The following AGBL4 variants were observed in gnomAD, a reference collection of about 807,000 sequenced individuals.
The protein encoded by AGBL4 is cytosolic carboxypeptidase 6.
AGBL4 carries 58 observed loss-of-function variants against 66.4 expected under a neutral mutation model. That is an observed-to-expected ratio of 0.87 (90% CI 0.71 to 1.09). The LOEUF (loss-of-function observed/expected upper bound fraction) is 1.09. Ranked by LOEUF, AGBL4 falls within the 50% of genes least tolerant of loss-of-function variation. The pLI is 0.00. For synonymous variants in AGBL4, 234 were observed against 222.9 expected (o/e 1.05, Z -0.44); for missense variants, 579 against 631.0 (o/e 0.92, Z 0.88).
intron 2 of AGBL4, among the ~76,000 whole-genome samples, chr1:49,831,622 C>T (rs749848239): frequency 4.6e-5 from 7 of 152,104 alleles, no homozygotes; most frequent in Non-Finnish European, 1.0e-4. Context: ...TGCCTAATTG[C>T]CCTGGCCAGA....
At chr1:48,545,551 A>G (rs1035158758) in intron 11 of AGBL4, among the ~76,000 whole-genome samples, 1 of 152,204 alleles carries the variant, frequency 6.6e-6, no homozygotes, top group African/African-American at 2.4e-5. Context: ...ATTAATAGAT[A>G]AAAAATTGGG....
intron 6 of AGBL4, among the ~76,000 whole-genome samples, chr1:48,839,045 C>T (rs1646742991): frequency 6.6e-6 from 1 of 151,910 alleles, no homozygotes; most frequent in Non-Finnish European, 1.5e-5. Context: ...GGTGATGACA[C>T]AGAGAAAGGG....
intron 3 of AGBL4, among the ~76,000 whole-genome samples, chr1:49,375,512 T>C (rs185591748): frequency 6.6e-6 from 1 of 152,108 alleles, no homozygotes; most frequent in African/African-American, 2.4e-5. Context: ...CTTATCTGCA[T>C]GTAGACATTC....
intron 6 of AGBL4, among the ~76,000 whole-genome samples, chr1:48,685,493 C>G (rs147230499): frequency 1.3e-5 from 2 of 152,164 alleles, no homozygotes. Flanking sequence ...GAACAAGATG[C>G]CTTGGGCTCC....
At chr1:49,228,973 T>C (rs1650106954) in intron 4 of AGBL4, among the ~76,000 whole-genome samples, 2 of 152,144 alleles carry the variant, frequency 1.3e-5, no homozygotes, top group Admixed American at 1.3e-4. Context: ...TCTTCTCCAT[T>C]CTCAGCATGC....
chr1:48,887,601 A>G (rs1191695933), intron 5 of AGBL4, among the ~76,000 whole-genome samples: 1 of 152,136 alleles, frequency 6.6e-6, no homozygotes, highest in Non-Finnish European at 1.5e-5. Flanking sequence ...CCCTCTGAAG[A>G]TCACACAGCT....
intron 3 of AGBL4, among the ~76,000 whole-genome samples, chr1:49,473,224 C>T (rs532559566): frequency 6.6e-6 from 1 of 152,194 alleles, no homozygotes; most frequent in East Asian, 1.9e-4. Context: ...CTCCAAACTG[C>T]TTCCCACAGG....
intron 3 of AGBL4, among the ~76,000 whole-genome samples, chr1:49,335,677 G>A (rs12036970): frequency 0.49 from 74,968 of 151,734 alleles, 19,894 homozygotes; most frequent in Non-Finnish European, 0.6. Flanking sequence ...CACCACACCC[G>A]GCTAATTTTT....
At chr1:49,431,573 A>G (rs1288007546) in intron 3 of AGBL4, among the ~76,000 whole-genome samples, 1 of 152,186 alleles carries the variant, frequency 6.6e-6, no homozygotes, top group Non-Finnish European at 1.5e-5. Context: ...GTCCCGGTTT[A>G]TCAAGTGATT....
At chr1:49,154,360 C>A (rs1316787033) in intron 4 of AGBL4, among the ~76,000 whole-genome samples, 1 of 151,424 alleles carries the variant, frequency 6.6e-6, no homozygotes, top group Admixed American at 6.6e-5. Flanking sequence ...CAGCACAGTA[C>A]TCAGGACATA....
At chr1:48,613,720 ACAGCTGAGCACAGC>A (rs761026775) in intron 9 of AGBL4, among the ~76,000 whole-genome samples, 33 of 152,348 alleles carry the variant, frequency 2.2e-4, no homozygotes, top group Admixed American at 7.2e-4. Flanking sequence ...AGGGATACAT[ACAGCTGAGCACAGC>A]CAGCAGAGCT....
At chr1:49,530,206 T>C (rs1443910522) in intron 3 of AGBL4, among the ~76,000 whole-genome samples, 1 of 135,448 alleles carries the variant, frequency 7.4e-6, no homozygotes, top group African/African-American at 2.7e-5. Flanking sequence ...ACATTTGGAT[T>C]TTACATTATT....
intron 3 of AGBL4, among the ~76,000 whole-genome samples, chr1:49,276,808 A>T (rs898755597): frequency 4.6e-5 from 7 of 152,306 alleles, no homozygotes; most frequent in African/African-American, 1.7e-4. Flanking sequence ...AAGGTGGTTT[A>T]TAAGGTTCTG....
intron 3 of AGBL4, among the ~76,000 whole-genome samples, chr1:49,609,735 C>T (rs1645121078): frequency 6.6e-6 from 1 of 152,080 alleles, no homozygotes; most frequent in Non-Finnish European, 1.5e-5. Flanking sequence ...GGTAGCTGTT[C>T]GATCCCCACC....
chr1:49,433,633 G>A (rs559109072), intron 3 of AGBL4, among the ~76,000 whole-genome samples: 2 of 152,188 alleles, frequency 1.3e-5, no homozygotes, highest in South Asian at 4.2e-4. Flanking sequence ...AGATTCTATG[G>A]GTATTGGTAT....
At chr1:49,562,380 G>C (rs944149745) in intron 3 of AGBL4, among the ~76,000 whole-genome samples, 2 of 152,082 alleles carry the variant, frequency 1.3e-5, no homozygotes, top group Non-Finnish European at 2.9e-5. Flanking sequence ...TGAAGTCCTT[G>C]CCCATGCCTA....
chr1:49,648,524 A>T (rs1558130632), intron 3 of AGBL4, among the ~76,000 whole-genome samples: 1 of 152,094 alleles, frequency 6.6e-6, no homozygotes, highest in Non-Finnish European at 1.5e-5. Flanking sequence ...CTCACAGAAC[A>T]CCAAGCAGGA....
intron 1 of AGBL4, among the ~76,000 whole-genome samples, chr1:49,897,586 CA>C (rs1649348490): frequency 6.6e-6 from 1 of 151,792 alleles, no homozygotes; most frequent in African/African-American, 2.4e-5. Flanking sequence ...ACATTCTTCA[CA>C]AACATATAAA....
rs552111852 is a variant in AGBL4 at position 49,281,724 on chromosome 1, T to C, written c.283-35860A>G. Among the ~76,000 whole-genome samples, 7 of 152,300 alleles carry C rather than the reference T, an allele frequency of 4.6e-5. No homozygotes were observed. The South Asian group carries it at 1.2e-3, about 27-fold the overall frequency. ...ATAAAGTCATCACAATGGCCAATAA[T>C]GAAGCATCCAAAAGAAATCTTAAAA... On this transcript the variant is annotated intron_variant, in intron 3 of 13. Transcript: ENST00000371839.
Sources: gnomAD v4.1 joint callset for allele counts (sites outside exome capture counted in the v4.1 genomes callset) on GRCh38, gnomAD v4.1.1 for gene constraint, MANE v1.5 for transcripts, NCBI Gene and HGNC (gene_info 2026-07-23, HGNC 2026-07-21) for gene names.